PTPN2: variants seen among roughly 807,000 people sequenced by gnomAD.
The protein encoded by PTPN2 is protein tyrosine phosphatase non-receptor type 2.
In PTPN2, 19 loss-of-function variants were observed where a neutral mutation model predicts 57.3. That is an observed-to-expected ratio of 0.33 (90% CI 0.23 to 0.49). PTPN2 has a LOEUF of 0.49. Among genes scored for constraint, PTPN2 ranks in the 20% least tolerant of loss-of-function variants. PTPN2 has a pLI of 0.99. For missense variants in PTPN2, 358 were observed against 501.1 expected, an observed-to-expected ratio of 0.71 and a Z score of 2.73; for synonymous variants, 153 against 164.9, an observed-to-expected ratio of 0.93 and a Z score of 0.55.
intron 1 of PTPN2, among the ~76,000 whole-genome samples, chr18:12,879,865 A>T (rs1480349359): frequency 1.3e-5 from 2 of 152,182 alleles, no homozygotes; most frequent in South Asian, 2.1e-4. Context: ...AAAAAGCACA[A>T]CTCTTCAAAA....
At chr18:12,789,822 T>C (rs2040934360), downstream of PTPN2, among the ~76,000 whole-genome samples, 1 of 151,962 alleles carries the variant, frequency 6.6e-6, no homozygotes, top group African/African-American at 2.4e-5. Flanking sequence ...ATCTTTAAAA[T>C]ATCTTTATTT....
At chr18:12,854,362 AAAAAAAAAAAAAAG>A (rs2043506648) in intron 2 of PTPN2, among the ~76,000 whole-genome samples, 1 of 141,502 alleles carries the variant, frequency 7.1e-6, no homozygotes, top group African/African-American at 2.5e-5. Context: ...CCTGTCTTGA[AAAAAAAAAAAAAAG>A]AAAAAAGAAA....
intron 8 of PTPN2, among the ~76,000 whole-genome samples, chr18:12,796,314 C>T (rs993910332): frequency 6.6e-6 from 1 of 152,102 alleles, no homozygotes; most frequent in Non-Finnish European, 1.5e-5. Context: ...GCCAGCTACA[C>T]AATTTGGTAA....
intron 2 of PTPN2, chr18:12,840,587 C>A (rs2043010896): frequency 1.4e-5 from 15 of 1,075,930 alleles, no homozygotes; most frequent in Non-Finnish European, 2.0e-5. Context: ...GTCCTCACAG[C>A]CCTATGAAGT....
In PTPN2 at chr18:12,812,616, A is replaced by C. The variant is rs533973257; in HGVS notation, c.858+1587T>G. ...CTGCGTCTCAAAAAAAGAAAAAAAAACCAGTAGCATGTGTGGTATGTATTT... is the reference window on the plus strand; with the variant it reads ...CTGCGTCTCAAAAAAAGAAAAAAAACCCAGTAGCATGTGTGGTATGTATTT... On this transcript the variant is annotated intron_variant, in intron 7 of 8. Coordinates refer to ENST00000309660, the MANE Select transcript of PTPN2 (RefSeq NM_002828.4). Among the ~76,000 whole-genome samples the C allele has an allele frequency of 7.9e-5, 12 of 152,280 alleles. No individual in the cohort carries two copies. In the East Asian group the frequency reaches 1.5e-3, roughly 20 times the overall value.
At chr18:12,882,208 T>TAGCACACTG (rs1311228822) in intron 1 of PTPN2, among the ~76,000 whole-genome samples, 1 of 152,230 alleles carries the variant, frequency 6.6e-6, no homozygotes, top group Non-Finnish European at 1.5e-5. Context: ...ACTTTTACTG[T>TAGCACACTG]AACACCAGTG....
chr18:12,814,258 G>A lies in PTPN2; in HGVS notation c.803C>T (p.Ser268Leu). ...LIQTPDQLRF[S>L]YMAIIEGAKC... ...TGCTCCTTCTATTATAGCCATGTAT[G>A]AGAATCTCAGTTGATCTGGGGTCTG... The change falls in exon 7 of 9, where the codon TCA (serine) becomes TTA (leucine). Residue 268 changes from serine (S) to leucine (L), a missense_variant. Coordinates refer to ENST00000309660, the MANE Select transcript of PTPN2 (RefSeq NM_002828.4). The A allele has an allele frequency of 6.2e-7, 1 of 1,607,514 alleles. No homozygotes were observed. The highest frequency in any genetic ancestry group is 8.5e-7 in the Non-Finnish European group (1 of 1,175,390).
rs1269690189 is a variant in PTPN2, at chr18:12,817,372, A to G, written c.496-7T>C. ...TTGTTCTGGTTTCACCACTCTAAAA[A>G]GTGAAAATCAAGGGAGAAGTTAGTT... On this transcript the variant is annotated splice_region_variant and splice_polypyrimidine_tract_variant and intron_variant, in intron 5 of 8. Coordinates refer to ENST00000309660, the MANE Select transcript of PTPN2 (RefSeq NM_002828.4). The G allele has an allele frequency of 6.2e-7, 1 of 1,607,430 alleles. No homozygotes were observed. The highest frequency in any genetic ancestry group is 8.5e-7 in the Non-Finnish European group (1 of 1,175,234).
At chr18:12,835,789 T>G (rs1201216601) in intron 3 of PTPN2, among the ~76,000 whole-genome samples, 2 of 152,230 alleles carry the variant, frequency 1.3e-5, no homozygotes, top group African/African-American at 4.8e-5. Flanking sequence ...TTCTGACAGG[T>G]GAAAGGCCCA....
chr18:12,875,233 G>A lies in PTPN2; in HGVS notation c.69+8840C>T, dbSNP rs1039577922. On this transcript the variant is annotated intron_variant, in intron 1 of 8. Transcript: ENST00000309660. ...ACCTTTGTTCACTTGTTTATCTGCT[G>A]ACCTTCCCTTCACTATTGTCCTATG... Among the ~76,000 whole-genome samples the A allele has an allele frequency of 3.3e-4, 50 of 151,654 alleles. 1 individual carries two copies. The highest frequency in any genetic ancestry group is 3.4e-3 in the Middle Eastern group (1 of 294).
intron 1 of PTPN2, 200 bp downstream of exon 1, chr18:12,883,870 CTTT>C (rs397959555): frequency 0.015 from 5,755 of 384,612 alleles, no homozygotes; most frequent in South Asian, 0.023. Flanking sequence ...CTCAAGTATG[CTTT>C]TTTTTTTTTT....
At chr18:12,853,060 C>T (rs574468053) in intron 2 of PTPN2, among the ~76,000 whole-genome samples, 1 of 152,250 alleles carries the variant, frequency 6.6e-6, no homozygotes, top group East Asian at 1.9e-4. Flanking sequence ...ATAAATTATT[C>T]GATACATAGC....
chr18:12,843,431 C>T (rs2043110547), intron 2 of PTPN2, among the ~76,000 whole-genome samples: 1 of 152,158 alleles, frequency 6.6e-6, no homozygotes, highest in South Asian at 2.1e-4. Context: ...GTATTTTAAT[C>T]TAGAAACAAC....
intron 2 of PTPN2, among the ~76,000 whole-genome samples, chr18:12,850,676 TTA>T (rs1301250424): frequency 6.6e-6 from 1 of 152,150 alleles, no homozygotes; most frequent in Non-Finnish European, 1.5e-5. Flanking sequence ...ATGGAAATGT[TTA>T]TCTTTTTATT....
At chr18:12,866,487 G>A (rs899640706) in intron 1 of PTPN2, among the ~76,000 whole-genome samples, 2 of 143,934 alleles carry the variant, frequency 1.4e-5, no homozygotes, top group Admixed American at 1.4e-4. Context: ...CAAAAAAACA[G>A]ATACAAAAGA....
chr18:12,817,292 G>C lies in PTPN2; in HGVS notation c.569C>G (p.Ala190Gly). The C allele has an allele frequency of 1.2e-6, 2 of 1,613,934 alleles. 1 individual carries two copies. Among genetic ancestry groups the C allele is most frequent in the East Asian group, 4.5e-5 (2 of 44,894 alleles). The change falls in exon 6 of 9, where the codon GCT (alanine) becomes GGT (glycine). Residue 190 changes from alanine to glycine, a missense_variant. Ala to Gly is a moderately conservative substitution (Grantham distance 60, BLOSUM62 0). Around this residue, in one of 4 missense-constraint regions of PTPN2, gnomAD observed 193 missense variants for 315.4 expected, o/e 0.61. Coordinates refer to ENST00000309660, the MANE Select transcript of PTPN2 (RefSeq NM_002828.4). Reference sequence around the variant, plus strand: ...TTTAAACAAGAAATTGAGAAATGAAGCTGGTGATTCAGGGACTCCAAAATC... The same window carrying C: ...TTTAAACAAGAAATTGAGAAATGAACCTGGTGATTCAGGGACTCCAAAATC... ...WPDFGVPESPASFLNFLFKVR... is the reference protein window; with the variant it reads ...WPDFGVPESPGSFLNFLFKVR...
At chr18:12,872,994 G>A (rs1475961493) in intron 1 of PTPN2, among the ~76,000 whole-genome samples, 1 of 152,224 alleles carries the variant, frequency 6.6e-6, no homozygotes, top group Non-Finnish European at 1.5e-5. Context: ...GCCAAGGTGG[G>A]TGGATCACCT....
At position 12,834,187 on chromosome 18, in the gene PTPN2, A is replaced by G. The variant is rs1193544637; in HGVS notation, c.261+2604T>C. 2.0e-5 allele frequency among the ~76,000 whole-genome samples: 3 copies of G among 152,160 alleles called. No homozygotes were observed. In the East Asian group the frequency reaches 5.8e-4, roughly 29 times the overall value. ...ACTAAAAATACAGAAATTAGCTGGG[A>G]GTGGTGGTGAGCACCTGTAATCCCA... On this transcript the variant is annotated intron_variant, in intron 3 of 8. Transcript: ENST00000309660.
intron 1 of PTPN2, among the ~76,000 whole-genome samples, chr18:12,874,231 C>T (rs529602445): frequency 0.1 from 14,820 of 148,286 alleles, 847 homozygotes; most frequent in Non-Finnish European, 0.15. Context: ...CCCGGCCAGC[C>T]GCCCCGTCCG....
Sources: allele counts gnomAD v4.1 joint callset (sites outside exome capture counted in the v4.1 genomes callset), GRCh38; gene constraint gnomAD v4.1.1; regional missense constraint gnomAD v4.1.1; transcripts MANE v1.5; gene names NCBI Gene and HGNC (gene_info 2026-07-23, HGNC 2026-07-21).